DAB1: variants seen among roughly 807,000 people sequenced by gnomAD.
DAB1 encodes the protein disabled homolog 1.
A neutral mutation model predicts 64.6 loss-of-function variants in DAB1; 15 were observed. The ratio of observed to expected loss-of-function variants is 0.23; its 90% confidence interval spans 0.16 to 0.36. The LOEUF (loss-of-function observed/expected upper bound fraction) is 0.36, where lower values mean the gene tolerates loss of function less well. DAB1 is among the 10% of genes least tolerant of loss of function. The pLI, the probability that DAB1 is intolerant of heterozygous loss-of-function variation, is 1.00. For missense variants in DAB1, 596 were observed against 706.7 expected (o/e 0.84, Z 1.78); for synonymous variants, 235 against 251.9 (o/e 0.93, Z 0.64).
intron 1 of DAB1, among the ~76,000 whole-genome samples, chr1:57,393,290 A>G (rs1682536826): frequency 1.3e-5 from 2 of 152,222 alleles, no homozygotes; most frequent in Admixed American, 1.3e-4. Flanking sequence ...CATTACTGCC[A>G]GTGATTCATT....
At chr1:58,300,608 GAA>G (rs1413323351) in intron 4 of DAB1, among the ~76,000 whole-genome samples, 1,904 of 34,754 alleles carry the variant, frequency 0.055, 26 homozygotes, top group South Asian at 0.1. Context: ...AAGAAAGAAA[GAA>G]AGAGAGAGAG....
chr1:57,838,481 A>G (rs1037301322), intron 1 of DAB1, among the ~76,000 whole-genome samples: 1 of 152,168 alleles, frequency 6.6e-6, no homozygotes, highest in Non-Finnish European at 1.5e-5. Context: ...GGTGTGATTG[A>G]AAGATGTGGA....
At chr1:57,829,192 T>C (rs1020367413) in intron 1 of DAB1, among the ~76,000 whole-genome samples, 2 of 152,186 alleles carry the variant, frequency 1.3e-5, no homozygotes, top group African/African-American at 4.8e-5. Flanking sequence ...AGGTGCATTA[T>C]GAAAAATTTA....
intron 4 of DAB1, among the ~76,000 whole-genome samples, chr1:58,325,731 T>G (rs1047971353): frequency 6.6e-6 from 1 of 152,188 alleles, no homozygotes; most frequent in Non-Finnish European, 1.5e-5. Context: ...TGAAAAATAC[T>G]CTATAAATAT....
intron 5 of DAB1, among the ~76,000 whole-genome samples, chr1:57,966,172 T>G (rs544779808): frequency 1.8e-4 from 28 of 152,308 alleles, no homozygotes; most frequent in African/African-American, 5.3e-4. Flanking sequence ...GTACTACTTT[T>G]AATATCGGTC....
chr1:58,333,406 A>C (rs1256463367), intron 4 of DAB1, among the ~76,000 whole-genome samples: 1 of 152,246 alleles, frequency 6.6e-6, no homozygotes, highest in African/African-American at 2.4e-5. Context: ...AGGAGTTGTT[A>C]AACAAATAAA....
chr1:57,564,979 AC>A, intron 7 of DAB1, among the ~76,000 whole-genome samples: 1 of 152,300 alleles, frequency 6.6e-6, no homozygotes, highest in Non-Finnish European at 1.5e-5. Context: ...TTGTCAGTTC[AC>A]CAAAGTTGAA....
In DAB1 at chr1:58,015,090, C is replaced by G. The variant is rs1406590481; in HGVS notation, n.388-130928G>C. On this transcript the variant is annotated intron_variant and non_coding_transcript_variant, in intron 5 of 20. Transcript: ENST00000485760. ...CAAGAGAGAGCAGAGAGGCAGCTGC[C>G]CCACTTGTAGACTTGGCCTTAGCTA... Among the ~76,000 whole-genome samples the G allele has an allele frequency of 3.3e-5, 5 of 152,128 alleles. 1 individual carries two copies. Among genetic ancestry groups the G allele is most frequent in the African/African-American group, 1.2e-4 (5 of 41,430 alleles).
rs191896533 is a variant in DAB1 at position 57,316,039 on chromosome 1, T to G, written c.-136-24873A>C. On this transcript the variant is annotated intron_variant, in intron 1 of 14. Transcript: ENST00000371236. ...CACCCCAATTTAAAGATCGGAAAAC[T>G]GTAGACAAAAGCTTAAATTCCCTCT... 1.7e-3 allele frequency among the ~76,000 whole-genome samples: 256 copies of G among 152,324 alleles called. 1 individual carries two copies. Among genetic ancestry groups the G allele is most frequent in the African/African-American group, 5.6e-3 (233 of 41,572 alleles).
chr1:57,427,934 G>A (rs1469560252), upstream of DAB1, among the ~76,000 whole-genome samples: 12 of 152,182 alleles, frequency 7.9e-5, no homozygotes, highest in African/African-American at 1.4e-4. Flanking sequence ...TTGGGAGGCC[G>A]GGACAGGTGG....
chr1:57,723,289 C>T (rs1401226152), intron 6 of DAB1, among the ~76,000 whole-genome samples: 1 of 152,202 alleles, frequency 6.6e-6, no homozygotes, highest in Non-Finnish European at 1.5e-5. Flanking sequence ...TTGGCTCTGT[C>T]TGAATACATG....
At chr1:58,166,058 T>C (rs973864756) in intron 4 of DAB1, among the ~76,000 whole-genome samples, 1 of 152,234 alleles carries the variant, frequency 6.6e-6, no homozygotes, top group East Asian at 1.9e-4. Context: ...TTAATTGCTA[T>C]GCAATTTTGC....
At chr1:58,361,506 T>A (rs1323042922) in intron 3 of DAB1, among the ~76,000 whole-genome samples, 1 of 152,124 alleles carries the variant, frequency 6.6e-6, no homozygotes, top group East Asian at 1.9e-4. Flanking sequence ...CAGTGCCTGG[T>A]AAGAGGTTAT....
intron 5 of DAB1, 75 bp from the exon 6 acceptor site, chr1:57,071,716 C>G: frequency 7.2e-7 from 1 of 1,387,094 alleles, no homozygotes; most frequent in East Asian, 2.4e-5. Context: ...GTTTTTGCGG[C>G]GACAACCCGC....
intron 5 of DAB1, among the ~76,000 whole-genome samples, chr1:57,949,212 T>G (rs1645229850): frequency 1.3e-5 from 2 of 152,086 alleles, no homozygotes; most frequent in South Asian, 4.1e-4. Context: ...CCACCTCAGA[T>G]CATCAGGCAT....
chr1:57,795,690 G>GATATATATATATATATAT lies in DAB1; in HGVS notation n.551+88291_551+88308dup, dbSNP rs3081038. On this transcript the variant is annotated intron_variant and non_coding_transcript_variant, in intron 6 of 20. Coordinates refer to the DAB1 transcript ENST00000485760. ...TAACCATCCATGAATTATGCTTGGA[G>GATATATATATATATATAT]ATATATATATATATATATATATATA... 9.3e-4 allele frequency among the ~76,000 whole-genome samples: 64 copies of GATATATATATATATATAT among 69,092 alleles called. 2 individuals are homozygous for GATATATATATATATATAT. Among genetic ancestry groups the GATATATATATATATATAT allele is most frequent in the South Asian group, 1.7e-3 (3 of 1,782 alleles). The allele number at this position is 69,092 out of a possible 152,430, so 45.3% of individuals were successfully genotyped here.
chr1:58,459,659 T>C (rs1456427551), intron 3 of DAB1, among the ~76,000 whole-genome samples: 5 of 152,238 alleles, frequency 3.3e-5, no homozygotes, highest in Admixed American at 2.0e-4. Flanking sequence ...CATACTATCA[T>C]TAATACTTTA....
At chr1:57,703,363 A>C (rs542008344) in intron 6 of DAB1, among the ~76,000 whole-genome samples, 1 of 152,332 alleles carries the variant, frequency 6.6e-6, no homozygotes, top group South Asian at 2.1e-4. Context: ...TCTTATTAAA[A>C]AGTGGTCAAA....
chr1:57,589,034 G>C (rs917882198), intron 7 of DAB1, among the ~76,000 whole-genome samples: 2 of 152,118 alleles, frequency 1.3e-5, no homozygotes, highest in Admixed American at 6.6e-5. Flanking sequence ...TCAGGAGTTC[G>C]AGACCAGCCT....
Sources: gnomAD v4.1 joint callset for allele counts (sites outside exome capture counted in the v4.1 genomes callset) on GRCh38, gnomAD v4.1.1 for gene constraint, MANE v1.5 for transcripts, NCBI Gene and HGNC (gene_info 2026-07-23, HGNC 2026-07-21) for gene names.